TRAPPC8: variants seen among roughly 807,000 people sequenced by gnomAD.
TRAPPC8 encodes the protein general sporulation gene 1 homolog.
A neutral mutation model predicts 174.3 loss-of-function variants in TRAPPC8; 54 were observed. The ratio of observed to expected loss-of-function variants is 0.31; its 90% CI spans 0.25 to 0.39. The LOEUF is 0.39. TRAPPC8 is among the 10% of genes least tolerant of loss of function. The pLI is 1.00. For synonymous variants in TRAPPC8, 630 were observed against 579.9 expected (o/e 1.09, Z -1.24); for missense variants, 1,531 against 1,699.1 (o/e 0.90, Z 1.74).
In TRAPPC8 at chr18:31,942,930, T is replaced by C; in HGVS notation, c.-166A>G. On this transcript the variant is annotated 5_prime_UTR_variant, in exon 1 of 29. Coordinates refer to ENST00000283351, the MANE Select transcript of TRAPPC8 (RefSeq NM_014939.5). ...AAGGAACAGACGCCGCCGCTTCGGT[T>C]TCTGGGGCACAATCCACTGACCCCC... The C allele has an allele frequency of 8.1e-7, 1 of 1,227,990 alleles. No homozygotes were observed. The highest frequency in any genetic ancestry group is 1.6e-5 in the African/African-American group (1 of 64,272). 76.1% of individuals were successfully genotyped at this position (1,227,990 alleles called of 1,614,324 possible).
chr18:31,942,648 G>T lies in TRAPPC8; in HGVS notation c.117C>A (p.Phe39Leu). The T allele has an allele frequency of 6.2e-7, 1 of 1,611,330 alleles. No homozygotes were observed. Among genetic ancestry groups the T allele is most frequent in the Non-Finnish European group, 8.5e-7 (1 of 1,178,810 alleles). ...GGGAGAAGGGCTTAAGCAGCTCCGC[G>T]AAGCTGAGGTGATTGAGACGAGTGA... ...ERLTRLNHLS[F>L]AELLKPFSRL... Residue 39 changes from phenylalanine (F) to leucine (L), a missense_variant, in exon 1 of 29, where the codon TTC becomes TTA. Coordinates refer to ENST00000283351, the MANE Select transcript of TRAPPC8 (RefSeq NM_014939.5).
Position 31,908,975 on chromosome 18 carries a change from G to A in TRAPPC8, c.901C>T (p.Gln301Ter). The A allele has an allele frequency of 1.2e-6, 2 of 1,611,624 alleles. No homozygotes were observed. The highest frequency in any genetic ancestry group is 1.7e-6 in the Non-Finnish European group (2 of 1,178,656). Reference sequence around the variant, plus strand: ...GAAGGGTCACTGGATTGCTCCAACTGAAGTGGGTGAGCTCTAAAGTTATTT... The same window carrying A: ...GAAGGGTCACTGGATTGCTCCAACTAAAGTGGGTGAGCTCTAAAGTTATTT... ...LPNNFRAHPL[Q>*]LEQSSDPSNS... is the part of the protein sequence containing the mutation. Residue 301 changes from glutamine (Q) to a stop codon, truncating the protein, a stop_gained, in exon 7 of 29, where the codon CAG becomes TAG. Transcript: ENST00000283351. LOFTEE classifies it high-confidence loss of function.
intron 1 of TRAPPC8, among the ~76,000 whole-genome samples, chr18:31,938,347 AAATTT>A (rs1355149904): frequency 2.0e-5 from 3 of 151,478 alleles, no homozygotes; most frequent in Non-Finnish European, 4.4e-5. Context: ...TACATATAAT[AAATTT>A]AATTATATAT....
In TRAPPC8 at chr18:31,857,682, G is replaced by GA; in HGVS notation, c.3045dup (p.Pro1016SerfsTer6). 6.2e-7 allele frequency: 1 copy of GA among 1,614,112 alleles called. No individual in the cohort carries two copies. The highest frequency in any genetic ancestry group is 8.5e-7 in the Non-Finnish European group (1 of 1,180,010). On this transcript the variant is annotated frameshift_variant, in exon 20 of 29. Transcript: ENST00000283351. LOFTEE classifies it high-confidence loss of function. The stretch of plus-strand genomic sequence containing the variant: ...AGAACAGTGTCAGGAAGGGGAACAG[G>GA]AATCACCTCTGGTTGACTTCCTGTG...
chr18:31,870,597 G>T, intron 15 of TRAPPC8, 95 bp from the exon 16 acceptor site: 2 of 1,355,772 alleles, frequency 1.5e-6, no homozygotes, highest in Non-Finnish European at 2.0e-6. Flanking sequence ...TCATAGCTCT[G>T]CATTTCTGCC....
At chr18:31,858,747 A>AT (rs1266834799) in intron 19 of TRAPPC8, among the ~76,000 whole-genome samples, 7 of 152,192 alleles carry the variant, frequency 4.6e-5, no homozygotes, top group Admixed American at 4.6e-4. Flanking sequence ...AGAGACAGAA[A>AT]TTTGGGCTAA....
Position 31,870,355 on chromosome 18 carries a change from A to G in TRAPPC8, c.2388+17T>C. 6 of 1,594,912 alleles carry G rather than the reference A, an allele frequency of 3.8e-6. No homozygotes were observed. Among genetic ancestry groups the G allele is most frequent in the Non-Finnish European group, 5.1e-6 (6 of 1,170,446 alleles). On this transcript the variant is annotated intron_variant, in intron 16 of 28. Coordinates refer to ENST00000283351, the MANE Select transcript of TRAPPC8 (RefSeq NM_014939.5). ...CTGTAGCTGAAACATAATTACAAAT[A>G]CCTTTTAATAACTTACTAGTTGTTT... is the stretch of plus-strand genomic sequence containing the variant.
chr18:31,899,449 G>A (rs141785905), intron 10 of TRAPPC8, among the ~76,000 whole-genome samples: 2 of 152,160 alleles, frequency 1.3e-5, no homozygotes, highest in East Asian at 1.9e-4. Flanking sequence ...TTACCATTAC[G>A]ATGACTACTT....
intron 27 of TRAPPC8, among the ~76,000 whole-genome samples, chr18:31,835,254 A>C (rs1416220174): frequency 1.3e-5 from 2 of 152,288 alleles, no homozygotes; most frequent in East Asian, 1.9e-4. Context: ...TTGTGAATTC[A>C]TCTGCTGTAT....
Position 31,942,494 on chromosome 18 carries a change from C to G in TRAPPC8, c.157+114G>C. The G allele has an allele frequency of 9.8e-6, 13 of 1,328,966 alleles. No homozygotes were observed. In the South Asian group the frequency reaches 2.2e-4, roughly 22 times the overall value. The allele number at this position is 1,328,966 out of a possible 1,614,324, so 82.3% of individuals were successfully genotyped here. A position where few individuals can be genotyped will look rare whatever the true frequency, so the allele number is the denominator to read the frequency against. ...CGCGGGGCCACAGCCCCAGACGCCA[C>G]GGTACCGGCTCCAGGACGTAAACAC... On this transcript the variant is annotated intron_variant, in intron 1 of 28. Coordinates refer to ENST00000283351, the MANE Select transcript of TRAPPC8 (RefSeq NM_014939.5).
intron 11 of TRAPPC8, among the ~76,000 whole-genome samples, chr18:31,895,239 A>T (rs918486486): frequency 5.3e-5 from 8 of 152,252 alleles, no homozygotes; most frequent in Non-Finnish European, 1.0e-4. Flanking sequence ...TCTTGATATT[A>T]TACAGCCTTT....
At chr18:31,905,952 T>A (rs2036637677) in intron 9 of TRAPPC8, among the ~76,000 whole-genome samples, 1 of 152,162 alleles carries the variant, frequency 6.6e-6, no homozygotes, top group Non-Finnish European at 1.5e-5. Context: ...TATTTGTGAT[T>A]TCATATTAGC....
chr18:31,893,380 G>GGTGTGTGTGTGTGTGTGT (rs10660521), intron 11 of TRAPPC8, among the ~76,000 whole-genome samples: 4 of 149,644 alleles, frequency 2.7e-5, no homozygotes, highest in African/African-American at 9.9e-5. Flanking sequence ...TTTGCTTCTA[G>GGTGTGTGTGTGTGTGTGT]GTGTGTGTGT....
At chr18:31,831,054 A>AT in intron 28 of TRAPPC8, 65 bp from the exon 29 acceptor site, 1 of 1,411,128 alleles carries the variant, frequency 7.1e-7, no homozygotes, top group Non-Finnish European at 9.8e-7. Context: ...CCAAAGTCAC[A>AT]TTAACATATC....
At position 31,854,054 on chromosome 18, in the gene TRAPPC8, T is replaced by A. The variant is rs998693064; in HGVS notation, c.3337-109A>T. Reference sequence around the variant, plus strand: ...CTACCAAAGTCAATGTCAATTAACATAAGATGCAATTACAATATACATTTC... The same window carrying A: ...CTACCAAAGTCAATGTCAATTAACAAAAGATGCAATTACAATATACATTTC... On this transcript the variant is annotated intron_variant, in intron 21 of 28. Transcript: ENST00000283351. 3.8e-6 allele frequency: 3 copies of A among 786,410 alleles called. No homozygotes were observed. In the African/African-American group the frequency reaches 5.3e-5, roughly 14 times the overall value. The allele number at this position is 786,410 out of a possible 1,614,324, so 48.7% of individuals were successfully genotyped here.
intron 14 of TRAPPC8, 55 bp from the exon 15 acceptor site, chr18:31,871,175 T>C (rs2034840504): frequency 1.9e-6 from 2 of 1,048,798 alleles, no homozygotes; most frequent in South Asian, 4.1e-5. Context: ...AAATAAAACA[T>C]ATTTTAAATA....
intron 12 of TRAPPC8, among the ~76,000 whole-genome samples, chr18:31,877,975 G>A (rs2035246154): frequency 6.6e-6 from 1 of 151,368 alleles, no homozygotes; most frequent in Admixed American, 6.6e-5. Context: ...TGCAGGAAGG[G>A]CAAGGCCCAA....
intron 19 of TRAPPC8, among the ~76,000 whole-genome samples, chr18:31,863,051 C>CAAAAAA (rs35944569): frequency 1.8e-5 from 2 of 113,784 alleles, no homozygotes; most frequent in Non-Finnish European, 1.8e-5. Flanking sequence ...GACTAGGTCT[C>CAAAAAA]AAAAAAAAAA....
Position 31,857,865 on chromosome 18 carries a change from G to T in TRAPPC8, c.2863C>A (p.Pro955Thr). The T allele has an allele frequency of 6.2e-7, 1 of 1,614,144 alleles. No individual in the cohort carries two copies. The highest frequency in any genetic ancestry group is 1.1e-5 in the South Asian group (1 of 91,062). ...LTGLKVVSKR[P>T]EFFTFGGNTA... is the part of the protein sequence containing the mutation. ...TTACCACCGAAAGTAAAGAACTCTG[G>T]ACGTTTAGAAACAACCTTCAATCCA... Residue 955 changes from proline to threonine, a missense_variant, in exon 20 of 29, where the codon CCA (proline) becomes ACA (threonine). Physicochemically the swap from Pro to Thr is conservative, Grantham distance 38 (BLOSUM62 -1). Coordinates refer to ENST00000283351, the MANE Select transcript of TRAPPC8 (RefSeq NM_014939.5).
Sources: gnomAD v4.1 joint callset for allele counts (sites outside exome capture counted in the v4.1 genomes callset) on GRCh38, gnomAD v4.1.1 for gene constraint, MANE v1.5 for transcripts, NCBI Gene and HGNC (gene_info 2026-07-23, HGNC 2026-07-21) for gene names.